The following ZNF160 variants were observed in gnomAD, a reference collection of about 807,000 sequenced individuals.
ZNF160 encodes KRAB zinc finger protein KR18.
A neutral mutation model predicts 13.1 loss-of-function variants in ZNF160; 9 were observed. The ratio of observed to expected loss-of-function variants is 0.69; its 90% CI spans 0.41 to 1.20. The LOEUF (loss-of-function observed/expected upper bound fraction) is 1.20. Among genes scored for constraint, ZNF160 ranks in the 50% most tolerant of loss-of-function variants. The pLI, the probability that ZNF160 is intolerant of heterozygous loss-of-function variation, is 0.01. For missense variants in ZNF160, 838 were observed against 988.0 expected, an observed-to-expected ratio of 0.85 and a Z score of 2.04; for synonymous variants, 293 against 333.2, an observed-to-expected ratio of 0.88 and a Z score of 1.31.
intron 3 of ZNF160, among the ~76,000 whole-genome samples, chr19:53,080,795 G>A (rs1460102697): frequency 4.6e-5 from 7 of 152,158 alleles, no homozygotes; most frequent in African/African-American, 7.2e-5. Flanking sequence ...AAAGCTGGAT[G>A]CATCACATTA....
At chr19:53,077,995 A>G (rs1463100810) in intron 3 of ZNF160, among the ~76,000 whole-genome samples, 1 of 152,084 alleles carries the variant, frequency 6.6e-6, no homozygotes, top group East Asian at 1.9e-4. Context: ...TAATCCCAGC[A>G]CTTTGGGAGG....
rs896620444 is a variant in ZNF160 at position 53,067,247 on chromosome 19, A to C, written c.*830T>G. The C allele has an allele frequency of 2.0e-5, 3 of 152,176 alleles. No individual in the cohort carries two copies. Among genetic ancestry groups the C allele is most frequent in the Non-Finnish European group, 4.4e-5 (3 of 68,034 alleles). 9.4% of individuals were successfully genotyped at this position (152,176 alleles called of 1,614,324 possible). A position where few individuals can be genotyped will look rare whatever the true frequency, so the allele number is the denominator to read the frequency against. On this transcript the variant is annotated 3_prime_UTR_variant, in exon 6 of 6. Coordinates refer to ENST00000683776, the MANE Select transcript of ZNF160 (RefSeq NM_001322131.2). ...CCTCCCACAAAAATCCCAATGTCCTAAGGTCTTGGCCTGCTCCATTTCATG... is the reference window on the plus strand; with the variant it reads ...CCTCCCACAAAAATCCCAATGTCCTCAGGTCTTGGCCTGCTCCATTTCATG...
At position 53,069,477 on chromosome 19, in the gene ZNF160, G is replaced by A. The variant is rs1402614502; in HGVS notation, c.1057C>T (p.His353Tyr). The A allele has an allele frequency of 6.2e-7, 1 of 1,614,020 alleles. No individual in the cohort carries two copies. The highest frequency in any genetic ancestry group is 2.2e-5 in the East Asian group (1 of 44,844). ...CNECGKAFRG[H>Y]SNLTTHQLIH... ...AACTGATGGGTAGTTAGGTTTGAATGTCCTCTAAAGGCTTTTCCACACTCA... is the reference window on the plus strand; with the variant it reads ...AACTGATGGGTAGTTAGGTTTGAATATCCTCTAAAGGCTTTTCCACACTCA... Residue 353 changes from histidine to tyrosine, a missense_variant, in exon 6 of 6, where the codon CAT becomes TAT. Physicochemically the swap from His to Tyr is moderately conservative, Grantham distance 83. Transcript: ENST00000683776. The surrounding 1 kb of genome is among the most constrained non-coding windows in gnomAD (Gnocchi z 4.4).
At chr19:53,086,404 C>T (rs902532159) in intron 2 of ZNF160, 83 bp from the exon 3 acceptor site, 2 of 1,221,350 alleles carry the variant, frequency 1.6e-6, no homozygotes, top group African/African-American at 3.0e-5. Context: ...TATACATCCC[C>T]TTCATGTGCC....
chr19:53,088,553 C>T (rs2084926931), intron 2 of ZNF160, among the ~76,000 whole-genome samples: 1 of 150,906 alleles, frequency 6.6e-6, no homozygotes. Context: ...CAAAGTAAAA[C>T]TAGTTTTTAG....
At chr19:53,087,794 C>T (rs1222392647) in intron 2 of ZNF160, among the ~76,000 whole-genome samples, 7 of 152,140 alleles carry the variant, frequency 4.6e-5, no homozygotes, top group Non-Finnish European at 5.9e-5. Flanking sequence ...TCAGGTGATC[C>T]GCCTGCCTCG....
chr19:53,068,433 C>A lies in ZNF160; in HGVS notation c.2101G>T (p.Gly701Ter). Residue 701 changes from glycine (G) to a stop codon, truncating the protein, a stop_gained, in exon 6 of 6, where the codon GGA (glycine) becomes TGA (stop). Coordinates refer to ENST00000683776, the MANE Select transcript of ZNF160 (RefSeq NM_001322131.2). LOFTEE classifies it low-confidence loss of function (END_TRUNC). The part of the protein sequence containing the change: ...HLANHQRTHT[G>*]EKPYRCNECG... ...TCATTGCATCGGTAAGGTTTCTCTC[C>A]GGTGTGAGTCCTTTGATGATTTGCA... 1 of 1,613,868 alleles carries A rather than the reference C, an allele frequency of 6.2e-7. No individual in the cohort carries two copies. The highest frequency in any genetic ancestry group is 8.5e-7 in the Non-Finnish European group (1 of 1,179,918).
intron 3 of ZNF160, chr19:53,075,607 A>T: frequency 2.7e-6 from 1 of 374,926 alleles, no homozygotes; most frequent in Non-Finnish European, 5.3e-6. Context: ...TGGGGCCTCC[A>T]TGAAAACTCA....
intron 3 of ZNF160, among the ~76,000 whole-genome samples, chr19:53,082,353 T>C (rs548279342): frequency 3.3e-5 from 5 of 152,306 alleles, no homozygotes; most frequent in South Asian, 4.1e-4. Context: ...AAAAATGAAA[T>C]TGTTTTTCCT....
At chr19:53,098,289 G>A (rs1047194167) in intron 1 of ZNF160, among the ~76,000 whole-genome samples, 40 of 152,168 alleles carry the variant, frequency 2.6e-4, no homozygotes, top group African/African-American at 7.7e-4. Context: ...TTGCTTCCAC[G>A]CCTCACTCCA....
chr19:53,068,788 C>T lies in ZNF160; in HGVS notation c.1746G>A (p.Arg582=), dbSNP rs779812614. The T allele has an allele frequency of 4.3e-6, 7 of 1,612,402 alleles. No individual in the cohort carries two copies. Among genetic ancestry groups the T allele is most frequent in the Middle Eastern group, 1.6e-4 (1 of 6,080 alleles). Residue 582 remains arginine, a synonymous_variant, in exon 6 of 6, where the codon AGG becomes AGA. Transcript: ENST00000683776. ...TTTCTCCAGTATGAACTCTCCAATG[C>T]CTTGCAAGTTGTGATGTTTGAGCGA... The part of the protein sequence containing the change: ...KVFAQTSQLA[R]HWRVHTGEKP...
rs1056055834 is a variant in ZNF160, at chr19:53,085,182, G to C, written c.15+1080C>G. 18 of 985,246 alleles carry C rather than the reference G, an allele frequency of 1.8e-5. No individual in the cohort carries two copies. In the African/African-American group the frequency reaches 3.0e-4, roughly 16 times the overall value. 61.0% of individuals were successfully genotyped at this position (985,246 alleles called of 1,614,324 possible). On this transcript the variant is annotated intron_variant, in intron 3 of 5. Transcript: ENST00000683776. ...ATCCACCTGTCTTCATTCCCAGCAT[G>C]CTCCAACAAGGATGTAGAAAAGTGA...
At chr19:53,082,611 A>G (rs1285113326) in intron 3 of ZNF160, among the ~76,000 whole-genome samples, 1 of 152,242 alleles carries the variant, frequency 6.6e-6, no homozygotes, top group Non-Finnish European at 1.5e-5. Context: ...TCAAGGCTGC[A>G]GTCAGCTGTG....
At position 53,069,752 on chromosome 19, in the gene ZNF160, T is replaced by C; in HGVS notation, c.782A>G (p.Glu261Gly). The C allele has an allele frequency of 1.9e-6, 3 of 1,614,234 alleles. No individual in the cohort carries two copies. Among genetic ancestry groups the C allele is most frequent in the Non-Finnish European group, 2.5e-6 (3 of 1,180,042 alleles). The change falls in exon 6 of 6, where the codon GAA becomes GGA. Residue 261 changes from glutamate (E) to glycine (G), a missense_variant. Glu to Gly is a moderately conservative substitution (Grantham distance 98). Coordinates refer to ENST00000683776, the MANE Select transcript of ZNF160 (RefSeq NM_001322131.2). This position sits in a 1 kb window ranked among gnomAD's most constrained non-coding sequence, Gnocchi z 4.4. ...NSCGKPYKCN[E>G]CGKAFTQNSN... ...ATTCTGAGTGAACGCCTTGCCACAT[T>C]CATTACATTTATAAGGTTTTCCACA...
At chr19:53,073,328 A>G (rs965828830) in intron 5 of ZNF160, 19 of 1,596,236 alleles carry the variant, frequency 1.2e-5, no homozygotes, top group Non-Finnish European at 1.4e-5. Context: ...GGTTATGCTG[A>G]GAACAATCTT....
At chr19:53,075,777 C>T in intron 3 of ZNF160, 3 of 518,994 alleles carry the variant, frequency 5.8e-6, no homozygotes, top group South Asian at 4.2e-5. Flanking sequence ...ATGTGAGCCA[C>T]TCAAGCAAAC....
chr19:53,074,745 G>C (rs2084320121), intron 4 of ZNF160, among the ~76,000 whole-genome samples: 1 of 151,180 alleles, frequency 6.6e-6, no homozygotes, highest in African/African-American at 2.4e-5. Flanking sequence ...GCTGATAGAA[G>C]GCTCTATTCC....
In ZNF160 at chr19:53,083,494, C is replaced by T. The variant is rs78476967; in HGVS notation, c.15+2768G>A. Among the ~76,000 whole-genome samples, 1,073 of 152,280 alleles carry T rather than the reference C, an allele frequency of 7.0e-3. 9 individuals carry two copies. Among genetic ancestry groups the T allele is most frequent in the South Asian group, 0.052 (249 of 4,828 alleles). ...GCATACCATTTCATTTCGTTAAGGC[C>T]TTCCAAAATAAGATAAACTGAACAA... On this transcript the variant is annotated intron_variant, in intron 3 of 5. Transcript: ENST00000683776.
intron 3 of ZNF160, chr19:53,085,080 A>C: frequency 1.2e-6 from 1 of 820,896 alleles, no homozygotes; most frequent in Non-Finnish European, 1.5e-6. Context: ...TGGCTTCCAC[A>C]AGTGCTGGGA....
Sources: gnomAD v4.1 joint callset for allele counts (sites outside exome capture counted in the v4.1 genomes callset) on GRCh38, gnomAD v4.1.1 for gene constraint, Gnocchi (gnomAD v3.1) non-coding constraint, MANE v1.5 for transcripts, NCBI Gene and HGNC (gene_info 2026-07-23, HGNC 2026-07-21) for gene names.